Variants in MDN1 observed in about 807,000 individuals in gnomAD.
The protein encoded by MDN1 is midasin.
MDN1 carries 266 observed loss-of-function variants against 669.2 expected under a neutral mutation model. The observed-to-expected ratio is 0.40, with a 90% confidence interval of 0.36 to 0.44. The LOEUF is 0.44. Ranked by LOEUF, MDN1 falls within the 20% of genes least tolerant of loss-of-function variation. MDN1 has a pLI of 1.00. For synonymous variants in MDN1, 2,385 were observed against 2,457.1 expected, an observed-to-expected ratio of 0.97 and a Z score of 0.87; for missense variants, 5,940 against 6,754.0, an observed-to-expected ratio of 0.88 and a Z score of 4.22.
chr6:89,708,737 T>C (rs1813685965), intron 50 of MDN1, 109 bp from the exon 51 acceptor site: 1 of 1,221,238 alleles, frequency 8.2e-7, no homozygotes, highest in Admixed American at 1.9e-5. Flanking sequence ...CATTGAATCA[T>C]GATGGGGAAG....
At chr6:89,709,394 A>C (rs985679434) in intron 50 of MDN1, among the ~76,000 whole-genome samples, 4 of 152,244 alleles carry the variant, frequency 2.6e-5, no homozygotes, top group African/African-American at 9.6e-5. Flanking sequence ...AAGGGCTACA[A>C]AACTGAAAAG....
intron 17 of MDN1, among the ~76,000 whole-genome samples, chr6:89,760,759 G>GC (rs1817501685): frequency 6.6e-6 from 1 of 152,184 alleles, no homozygotes. Flanking sequence ...GACAAGTATT[G>GC]CATGTTCTCA....
At chr6:89,758,742 AC>A (rs1817383479) in intron 18 of MDN1, 73 bp downstream of exon 18, 11 of 1,508,374 alleles carry the variant, frequency 7.3e-6, no homozygotes, top group African/African-American at 5.6e-5. Context: ...TCTAACAACA[AC>A]AACAAAAAAT....
At chr6:89,729,280 T>C in intron 35 of MDN1, 141 bp from the exon 36 acceptor site, 1 of 675,350 alleles carries the variant, frequency 1.5e-6, no homozygotes, top group Non-Finnish European at 2.5e-6. Flanking sequence ...TCAATCCCTA[T>C]TTCAATATTT....
chr6:89,678,490 T>G, intron 75 of MDN1, 109 bp downstream of exon 75: 1 of 1,313,956 alleles, frequency 7.6e-7, no homozygotes, highest in East Asian at 2.3e-5. Flanking sequence ...GTACCTTCTG[T>G]TGTCCACCAT....
At chr6:89,692,417 G>C (rs778641307) in intron 63 of MDN1, 26 bp downstream of exon 63, 23 of 1,579,154 alleles carry the variant, frequency 1.5e-5, no homozygotes, top group East Asian at 4.5e-5. Context: ...AGGAAGGGCA[G>C]GGCAGGCCTC....
chr6:89,655,864 G>A lies in MDN1; in HGVS notation c.15390C>T (p.Ala5130=), dbSNP rs1167715441. The part of the protein sequence containing the change: ...RLRTVDTDSH[A]EQGPAQQPQA... ...GGGGCTGCTGAGCTGGCCCCTGCTC[G>A]GCATGGCTGTCCGTATCCACAGTCC... The change falls in exon 92 of 102, where the codon GCC becomes GCT. Residue 5130 remains alanine (A), a synonymous_variant. Transcript: ENST00000369393. The A allele has an allele frequency of 6.2e-6, 10 of 1,614,066 alleles. No individual in the cohort carries two copies. In the Admixed American group the frequency reaches 6.7e-5, roughly 11 times the overall value.
At position 89,690,119 on chromosome 6, in the gene MDN1, G is replaced by A. The variant is rs1306888133; in HGVS notation, c.10774C>T (p.Pro3592Ser). The change falls in exon 65 of 102, where the codon CCA becomes TCA. Residue 3592 changes from proline to serine, a missense_variant. This residue lies in a region of MDN1 where 2,280 missense variants were observed against 2,576.3 expected (regional missense o/e 0.88). Coordinates refer to ENST00000369393, the MANE Select transcript of MDN1 (RefSeq NM_014611.3). ...GTTCCTTTGTTCTCCTCCAACGTTG[G>A]CTGCACCAAAATATCTGCAAAGTCC... is the stretch of plus-strand genomic sequence containing the variant. Reference protein sequence around the residue: ...EKDFADILVQPTLEENKGTSD... With the variant: ...EKDFADILVQSTLEENKGTSD... 1 of 1,613,940 alleles carries A rather than the reference G, an allele frequency of 6.2e-7. No individual in the cohort carries two copies. Among genetic ancestry groups the A allele is most frequent in the South Asian group, 1.1e-5 (1 of 91,084 alleles).
chr6:89,797,139 A>T (rs113214984), intron 2 of MDN1, among the ~76,000 whole-genome samples: 2 of 152,048 alleles, frequency 1.3e-5, no homozygotes, highest in Non-Finnish European at 2.9e-5. Context: ...TGGGAGGCCA[A>T]GGGAGGTGGA....
At chr6:89,667,926 C>G in intron 84 of MDN1, 88 bp downstream of exon 84, 2 of 1,513,584 alleles carry the variant, frequency 1.3e-6, no homozygotes, top group Non-Finnish European at 1.8e-6. Flanking sequence ...AATTATTAAC[C>G]TAGTAAAAAC....
chr6:89,688,301 A>C (rs1185859413), intron 66 of MDN1, 128 bp from the exon 67 acceptor site: 3 of 864,582 alleles, frequency 3.5e-6, no homozygotes, highest in Admixed American at 2.6e-5. Flanking sequence ...TGAAAAAAAA[A>C]ACAGAGCAAC....
rs758628090 is a variant in MDN1 at position 89,712,695 on chromosome 6, T to C, written c.7310A>G (p.Asp2437Gly). The C allele has an allele frequency of 8.7e-6, 14 of 1,614,128 alleles. No individual in the cohort carries two copies. The South Asian group carries it at 1.5e-4, about 18-fold the overall frequency. Reference sequence around the variant, plus strand: ...AGCAAAGAGAGCTGAGGGCACAGAATCTGGCCACAGTCCCATGCCAAGAAT... The same window carrying C: ...AGCAAAGAGAGCTGAGGGCACAGAACCTGGCCACAGTCCCATGCCAAGAAT... ...DSILGMGLWP[D>G]SVPSALFATE... is the part of the protein sequence containing the mutation. The change falls in exon 48 of 102, where the codon GAT becomes GGT. Residue 2437 changes from aspartate (D) to glycine (G), a missense_variant. Around this residue, in one of 5 missense-constraint regions of MDN1, gnomAD observed 2,292 missense variants for 2,638.3 expected, o/e 0.87. Transcript: ENST00000369393.
chr6:89,751,889 C>T (rs1003085792), intron 22 of MDN1, among the ~76,000 whole-genome samples: 2 of 152,082 alleles, frequency 1.3e-5, no homozygotes, highest in Admixed American at 1.3e-4. Context: ...TTATTTTTAT[C>T]AAAAACATGA....
rs764676969 is a variant in MDN1 at position 89,780,297 on chromosome 6, T to C, written c.1644-4A>G. On this transcript the variant is annotated splice_region_variant and splice_polypyrimidine_tract_variant and intron_variant, in intron 10 of 101. Coordinates refer to ENST00000369393, the MANE Select transcript of MDN1 (RefSeq NM_014611.3). ...ATTACACCAATTCAGCAGATCCCTT[T>C]AAAAAAAAGAAAGAAAAGAAAAAAC... 3.3e-6 allele frequency: 5 copies of C among 1,535,134 alleles called. No homozygotes were observed. Among genetic ancestry groups the C allele is most frequent in the Non-Finnish European group, 4.4e-6 (5 of 1,139,418 alleles).
At chr6:89,654,771 G>A (rs926849143) in intron 92 of MDN1, among the ~76,000 whole-genome samples, 37 of 152,144 alleles carry the variant, frequency 2.4e-4, no homozygotes, top group African/African-American at 7.7e-4. Flanking sequence ...TGTTTGAGGT[G>A]GTAGATAAGC....
intron 53 of MDN1, among the ~76,000 whole-genome samples, chr6:89,704,729 C>T (rs760847139): frequency 3.3e-5 from 5 of 152,070 alleles, no homozygotes; most frequent in Non-Finnish European, 5.9e-5. Context: ...TACAGGCGCC[C>T]GCCACCATGC....
intron 5 of MDN1, among the ~76,000 whole-genome samples, chr6:89,793,040 G>A (rs957011656): frequency 1.3e-5 from 2 of 152,120 alleles, no homozygotes; most frequent in African/African-American, 4.8e-5. Flanking sequence ...AGACTGCTAT[G>A]GAAAAAGAGA....
intron 8 of MDN1, 23 bp from the exon 9 acceptor site, chr6:89,785,149 C>G: frequency 6.4e-7 from 1 of 1,571,042 alleles, no homozygotes; most frequent in Non-Finnish European, 8.8e-7. Flanking sequence ...ATAAAAAACA[C>G]AGTCACACAA....
chr6:89,755,585 G>A (rs961565714), intron 20 of MDN1, among the ~76,000 whole-genome samples: 18 of 152,118 alleles, frequency 1.2e-4, no homozygotes, highest in Admixed American at 5.2e-4. Flanking sequence ...TTTGTATTAA[G>A]GAAGAGAAAA....
Sources: gnomAD v4.1 joint callset for allele counts (sites outside exome capture counted in the v4.1 genomes callset) on GRCh38, gnomAD v4.1.1 for gene constraint, gnomAD v4.1.1 regional missense constraint, MANE v1.5 for transcripts, NCBI Gene and HGNC (gene_info 2026-07-23, HGNC 2026-07-21) for gene names.